WDR19: variants seen among roughly 807,000 people sequenced by gnomAD.
The protein encoded by WDR19 is WD repeat domain 19.
A neutral mutation model predicts 180.0 loss-of-function variants in WDR19; 121 were observed. The ratio of observed to expected loss-of-function variants is 0.67; its 90% confidence interval spans 0.58 to 0.78. The LOEUF is 0.78. WDR19 is among the 30% of genes least tolerant of loss of function. The pLI, the probability that WDR19 is intolerant of heterozygous loss-of-function variation, is 0.00. For synonymous variants in WDR19, 497 were observed against 540.7 expected, an observed-to-expected ratio of 0.92 and a Z score of 1.12; for missense variants, 1,450 against 1,640.7, an observed-to-expected ratio of 0.88 and a Z score of 2.01.
chr4:39,216,758 C>T (rs989535612), intron 12 of WDR19, among the ~76,000 whole-genome samples: 3 of 152,150 alleles, frequency 2.0e-5, no homozygotes, highest in African/African-American at 7.2e-5. Flanking sequence ...TCCCCATCAC[C>T]TTTCCCCAAT....
intron 20 of WDR19, among the ~76,000 whole-genome samples, chr4:39,236,257 G>A (rs2109381932): frequency 6.6e-6 from 1 of 152,098 alleles, no homozygotes; most frequent in South Asian, 2.1e-4. Flanking sequence ...GTGGAGCACT[G>A]GAGAAAGAAA....
chr4:39,263,693 G>T (rs989071677), intron 28 of WDR19, among the ~76,000 whole-genome samples: 6 of 152,190 alleles, frequency 3.9e-5, no homozygotes, highest in African/African-American at 1.4e-4. Context: ...GGGAGGCTGA[G>T]GTGGGCGGAT....
chr4:39,215,956 A>C lies in WDR19; in HGVS notation c.1077A>C (p.Thr359=). Residue 359 remains threonine (T), a synonymous_variant, in exon 11 of 37, where the codon ACA becomes ACC. Transcript: ENST00000399820. ...CCATACTTGGGGATGCCTGCAGCACAAGGATTGCCTATCTCACCTCCCTCC... is the reference window on the plus strand; with the variant it reads ...CCATACTTGGGGATGCCTGCAGCACCAGGATTGCCTATCTCACCTCCCTCC... ...KLPILGDACS[T]RIAYLTSLLE... is the part of the protein sequence containing the mutation. 6.2e-7 allele frequency: 1 copy of C among 1,613,224 alleles called. No individual in the cohort carries two copies. The highest frequency in any genetic ancestry group is 8.5e-7 in the Non-Finnish European group (1 of 1,179,548).
At chr4:39,191,996 A>G (rs2109257000) in intron 4 of WDR19, among the ~76,000 whole-genome samples, 1 of 152,320 alleles carries the variant, frequency 6.6e-6, no homozygotes, top group South Asian at 2.1e-4. Context: ...AAGGGTTTCT[A>G]CGGGCCTTAT....
chr4:39,242,580 T>C (rs769193601), intron 21 of WDR19, among the ~76,000 whole-genome samples: 3 of 152,228 alleles, frequency 2.0e-5, no homozygotes, highest in Admixed American at 6.5e-5. Context: ...ACCAGCACTT[T>C]GGGAGGCCAA....
intron 24 of WDR19, among the ~76,000 whole-genome samples, chr4:39,246,011 C>T (rs2109412203): frequency 6.6e-6 from 1 of 152,176 alleles, no homozygotes; most frequent in South Asian, 2.1e-4. Flanking sequence ...CTCAAAGACA[C>T]TAATAGGAAA....
chr4:39,227,321 C>T (rs1730379173), intron 15 of WDR19, among the ~76,000 whole-genome samples: 3 of 152,196 alleles, frequency 2.0e-5, no homozygotes, highest in African/African-American at 7.2e-5. Flanking sequence ...ATATACAAGC[C>T]TACCTGCCTG....
intron 9 of WDR19, among the ~76,000 whole-genome samples, chr4:39,210,006 C>T (rs908572165): frequency 1.3e-5 from 2 of 152,138 alleles, no homozygotes; most frequent in East Asian, 3.8e-4. Flanking sequence ...AGCCCTATAA[C>T]TACAATAAAA....
chr4:39,231,661 G>A (rs879413049), intron 17 of WDR19, 136 bp from the exon 18 acceptor site: 9 of 699,838 alleles, frequency 1.3e-5, no homozygotes, highest in African/African-American at 7.2e-5. Flanking sequence ...TTCATTACTT[G>A]TAAATGACAA....
In WDR19 at chr4:39,225,932, T is replaced by G. The variant is rs146727323; in HGVS notation, c.1629+899T>G. On this transcript the variant is annotated intron_variant, in intron 15 of 36. Transcript: ENST00000399820. ...ATGTACCTGGATTATATATGCCAAA[T>G]TCCTAATCTGCTAGTTCTTAGTCAA... Among the ~76,000 whole-genome samples the G allele has an allele frequency of 5.9e-5, 9 of 152,294 alleles. No homozygotes were observed. In the East Asian group the frequency reaches 9.6e-4, roughly 16 times the overall value.
chr4:39,234,647 C>A (rs1731195334), intron 19 of WDR19, 119 bp from the exon 20 acceptor site: 2 of 704,990 alleles, frequency 2.8e-6, no homozygotes, highest in African/African-American at 1.8e-5. Flanking sequence ...TTGTAAAGAT[C>A]AAGTTTCATT....
chr4:39,258,075 CAT>C (rs771643557), intron 28 of WDR19, among the ~76,000 whole-genome samples: 3 of 152,072 alleles, frequency 2.0e-5, no homozygotes, highest in African/African-American at 2.4e-5. Flanking sequence ...CAGAATCACA[CAT>C]GTGTCCTCTT....
intron 17 of WDR19, among the ~76,000 whole-genome samples, chr4:39,231,587 TTA>T (rs1457357926): frequency 6.6e-6 from 1 of 152,200 alleles, no homozygotes; most frequent in Non-Finnish European, 1.5e-5. Context: ...TAGATTCAGA[TTA>T]ATAAAAGAAA....
At chr4:39,224,306 A>C (rs1252222605) in intron 14 of WDR19, among the ~76,000 whole-genome samples, 1 of 152,184 alleles carries the variant, frequency 6.6e-6, no homozygotes, top group Non-Finnish European at 1.5e-5. Context: ...ATTATGCTTT[A>C]ATATCACTAA....
chr4:39,185,586 C>T, intron 1 of WDR19, 140 bp from the exon 2 acceptor site: 1 of 719,972 alleles, frequency 1.4e-6, no homozygotes, highest in South Asian at 1.8e-5. Flanking sequence ...TTGTTGTTAA[C>T]TTCTAGATAA....
At chr4:39,238,962 G>A (rs1420790841) in intron 20 of WDR19, among the ~76,000 whole-genome samples, 3 of 152,016 alleles carry the variant, frequency 2.0e-5, no homozygotes, top group African/African-American at 7.2e-5. Flanking sequence ...CATCAGTCAT[G>A]GGAAGAGAAT....
chr4:39,246,607 A>C (rs1202446936), intron 24 of WDR19, among the ~76,000 whole-genome samples: 1 of 152,180 alleles, frequency 6.6e-6, no homozygotes, highest in African/African-American at 2.4e-5. Context: ...TTCCTAGTCA[A>C]AGAAAGGGGT....
At chr4:39,248,452 C>T (rs1399692052) in intron 24 of WDR19, among the ~76,000 whole-genome samples, 1 of 152,090 alleles carries the variant, frequency 6.6e-6, no homozygotes, top group African/African-American at 2.4e-5. Context: ...AACTAATGGG[C>T]AAAATAACCA....
intron 9 of WDR19, among the ~76,000 whole-genome samples, chr4:39,208,286 A>G (rs983253345): frequency 2.9e-4 from 43 of 150,120 alleles, no homozygotes; most frequent in Non-Finnish European, 3.0e-4. Context: ...AAAACTTATT[A>G]GACATAGACT....
Sources: allele counts gnomAD v4.1 joint callset (sites outside exome capture counted in the v4.1 genomes callset), GRCh38; gene constraint gnomAD v4.1.1; transcripts MANE v1.5; gene names NCBI Gene and HGNC (gene_info 2026-07-23, HGNC 2026-07-21).